Variants in SMG6 observed in about 807,000 individuals in gnomAD.
The protein encoded by SMG6 is telomerase-binding protein EST1A.
In SMG6, 66 loss-of-function variants were observed where a neutral mutation model predicts 142.2. The ratio of observed to expected loss-of-function variants is 0.46; its 90% CI spans 0.38 to 0.57. SMG6 has a LOEUF of 0.57. SMG6 is among the 20% of genes least tolerant of loss of function. The probability of loss-of-function intolerance (pLI) is 0.00; values close to 1 mark genes in which losing one functional copy is unlikely to be tolerated. For synonymous variants in SMG6, 779 were observed against 702.4 expected, an observed-to-expected ratio of 1.11 and a Z score of -1.72; for missense variants, 1,793 against 1,832.0, an observed-to-expected ratio of 0.98 and a Z score of 0.39.
intron 13 of SMG6, among the ~76,000 whole-genome samples, chr17:2,114,888 C>T (rs989899228): frequency 9.6e-5 from 6 of 62,688 alleles, no homozygotes; most frequent in Non-Finnish European, 1.5e-4. Context: ...AATCGTGCCA[C>T]TGCACTCCAG....
At chr17:2,197,269 A>C (rs1567675732) in intron 10 of SMG6, among the ~76,000 whole-genome samples, 1 of 152,008 alleles carries the variant, frequency 6.6e-6, no homozygotes, top group Non-Finnish European at 1.5e-5. Flanking sequence ...TACATATAAA[A>C]CTCTTAAAAC....
At chr17:2,216,447 T>C (rs984176261) in intron 10 of SMG6, among the ~76,000 whole-genome samples, 1 of 152,230 alleles carries the variant, frequency 6.6e-6, no homozygotes, top group Non-Finnish European at 1.5e-5. Flanking sequence ...GGGATTCTGA[T>C]GACTTCATCA....
intron 13 of SMG6, among the ~76,000 whole-genome samples, chr17:2,168,657 G>A (rs190408608): frequency 2.0e-5 from 3 of 152,194 alleles, no homozygotes; most frequent in Admixed American, 1.3e-4. Flanking sequence ...TTAGGAGGCC[G>A]AGGCAGGAGG....
intron 11 of SMG6, among the ~76,000 whole-genome samples, chr17:2,187,431 A>C (rs2072024413): frequency 6.6e-6 from 1 of 152,188 alleles, no homozygotes. Flanking sequence ...CTGTGAATGC[A>C]ATAATAGTAT....
In SMG6 at chr17:2,066,372, C is replaced by CTCTG. The variant is rs1555529644; in HGVS notation, c.3836-694_3836-693insCAGA. The stretch of plus-strand genomic sequence containing the variant: ...TGTGTGTACATGTGTGTATATGTCT[C>CTCTG]TGTGTGTGTGTGTGTGTGTGCCTGT... On this transcript the variant is annotated intron_variant, in intron 16 of 18. Transcript: ENST00000263073. 2.2e-3 allele frequency among the ~76,000 whole-genome samples: 333 copies of CTCTG among 149,682 alleles called. 3 individuals carry two copies. Among genetic ancestry groups the CTCTG allele is most frequent in the African/African-American group, 5.4e-3 (220 of 40,664 alleles).
chr17:2,300,204 C>T lies in SMG6; in HGVS notation c.549G>A (p.Arg183=), dbSNP rs1181371211. 1.5e-5 allele frequency: 24 copies of T among 1,614,164 alleles called. No individual in the cohort carries two copies. Among genetic ancestry groups the T allele is most frequent in the Non-Finnish European group, 1.9e-5 (23 of 1,180,044 alleles). ...EQLRVEEDEC[R]GNVAKEEVAN... ...CAACTTCCTCCTTCGCAACATTTCCCCTACACTCATCTTCCTCTACTCTCA... is the reference window on the plus strand; with the variant it reads ...CAACTTCCTCCTTCGCAACATTTCCTCTACACTCATCTTCCTCTACTCTCA... Residue 183 remains arginine, a synonymous_variant, in exon 2 of 19, where the codon AGG becomes AGA. Transcript: ENST00000263073.
chr17:2,271,111 T>C (rs186916558), intron 8 of SMG6, among the ~76,000 whole-genome samples: 2 of 148,284 alleles, frequency 1.3e-5, no homozygotes, highest in East Asian at 2.0e-4. Context: ...TTCTGTTTTT[T>C]TCTGGTTTTT....
intron 13 of SMG6, among the ~76,000 whole-genome samples, chr17:2,104,241 G>A (rs532521845): frequency 4.6e-4 from 70 of 151,968 alleles, no homozygotes; most frequent in African/African-American, 1.2e-3. Context: ...GTGAGCCACC[G>A]CGCCCGGCCA....
chr17:2,299,277 G>A lies in SMG6; in HGVS notation c.1476C>T (p.Arg492=). The change falls in exon 2 of 19, where the codon CGC becomes CGT. Residue 492 remains arginine, a synonymous_variant. Transcript: ENST00000263073. This position sits in a 1 kb window ranked among gnomAD's most constrained non-coding sequence, Gnocchi z 4.3. ...EVSPTSWGDS[R]QAQASYYKFQ... Reference sequence around the variant, plus strand: ...ACTTATAGTAAGATGCCTGAGCCTGGCGTGAGTCACCCCAAGATGTAGGGC... The same window carrying A: ...ACTTATAGTAAGATGCCTGAGCCTGACGTGAGTCACCCCAAGATGTAGGGC... 1 of 1,614,094 alleles carries A rather than the reference G, an allele frequency of 6.2e-7. No homozygotes were observed. Among genetic ancestry groups the A allele is most frequent in the Non-Finnish European group, 8.5e-7 (1 of 1,180,032 alleles).
chr17:2,278,033 G>C (rs1199446689), intron 8 of SMG6, among the ~76,000 whole-genome samples: 2 of 151,982 alleles, frequency 1.3e-5, no homozygotes, highest in Non-Finnish European at 2.9e-5. Context: ...GGGAAACAGA[G>C]GGAGATCCTA....
intron 13 of SMG6, among the ~76,000 whole-genome samples, chr17:2,152,026 T>A (rs899529391): frequency 6.6e-6 from 1 of 152,202 alleles, no homozygotes; most frequent in Admixed American, 6.5e-5. Flanking sequence ...AAAAACGACT[T>A]CACTCTGGAA....
chr17:2,291,870 A>G (rs571429545), intron 6 of SMG6, among the ~76,000 whole-genome samples: 91 of 144,698 alleles, frequency 6.3e-4, no homozygotes, highest in African/African-American at 1.7e-3. Flanking sequence ...AAAAAAAAAA[A>G]AGAGAGAGAC....
intron 13 of SMG6, among the ~76,000 whole-genome samples, chr17:2,111,843 C>A (rs925701318): frequency 1.3e-5 from 2 of 152,090 alleles, no homozygotes; most frequent in African/African-American, 4.8e-5. Flanking sequence ...GAGGAGAGGC[C>A]TTTGAGAGTT....
At position 2,301,122 on chromosome 17, in the gene SMG6, ACAG is replaced by A. The variant is rs529091793; in HGVS notation, c.89-461_89-459del. On this transcript the variant is annotated intron_variant, in intron 1 of 18. Coordinates refer to ENST00000263073, the MANE Select transcript of SMG6 (RefSeq NM_017575.5). The stretch of plus-strand genomic sequence containing the variant: ...TGGGTGGCTAAGTTCTTTTAACATA[ACAG>A]CAGGAGGAAGAAGTAAAAAAGGAGA... Among the ~76,000 whole-genome samples, 289 of 152,300 alleles carry A rather than the reference ACAG, an allele frequency of 1.9e-3. 1 individual carries two copies. Among genetic ancestry groups the A allele is most frequent in the African/African-American group, 6.6e-3 (276 of 41,554 alleles).
intron 13 of SMG6, among the ~76,000 whole-genome samples, chr17:2,152,629 G>A (rs1026665720): frequency 2.0e-5 from 3 of 152,134 alleles, no homozygotes; most frequent in South Asian, 2.1e-4. Flanking sequence ...AGAGAAATGC[G>A]AATTAAAATC....
chr17:2,103,600 T>C (rs2069071071), intron 13 of SMG6, among the ~76,000 whole-genome samples: 2 of 152,218 alleles, frequency 1.3e-5, no homozygotes, highest in East Asian at 3.8e-4. Context: ...TTTAGTGTTC[T>C]GAGGACTCTT....
chr17:2,154,054 A>G (rs2070920962), intron 13 of SMG6, among the ~76,000 whole-genome samples: 1 of 123,128 alleles, frequency 8.1e-6, no homozygotes, highest in Non-Finnish European at 1.7e-5. Context: ...CTGGGGATGC[A>G]TATAGAGTGT....
At chr17:2,294,763 C>A (rs1360756896) in intron 4 of SMG6, among the ~76,000 whole-genome samples, 1 of 152,112 alleles carries the variant, frequency 6.6e-6, no homozygotes, top group Non-Finnish European at 1.5e-5. Context: ...AAAGTCTGTA[C>A]TCACCAGCAA....
chr17:2,105,933 C>T (rs992898190), intron 13 of SMG6, among the ~76,000 whole-genome samples: 1 of 152,176 alleles, frequency 6.6e-6, no homozygotes, highest in Non-Finnish European at 1.5e-5. Context: ...AGAGTAAAGT[C>T]CATCATGAAG....
Sources: gnomAD v4.1 joint callset for allele counts (sites outside exome capture counted in the v4.1 genomes callset) on GRCh38, gnomAD v4.1.1 for gene constraint, Gnocchi (gnomAD v3.1) non-coding constraint, MANE v1.5 for transcripts, NCBI Gene and HGNC (gene_info 2026-07-23, HGNC 2026-07-21) for gene names.